Variants in TRPM3 observed in about 807,000 individuals in gnomAD.
TRPM3 encodes the protein transient receptor potential cation channel subfamily M member 3, also known as long transient receptor potential channel 3.
TRPM3 carries 77 observed loss-of-function variants against 181.2 expected under a neutral mutation model. That is an observed-to-expected ratio of 0.42 (90% CI 0.35 to 0.51). TRPM3 has a LOEUF of 0.51. Ranked by LOEUF, TRPM3 falls within the 20% of genes least tolerant of loss-of-function variation. TRPM3 has a pLI of 0.01. For synonymous variants in TRPM3, 745 were observed against 796.4 expected (o/e 0.94, Z 1.09); for missense variants, 1,759 against 2,196.7 (o/e 0.80, Z 3.98).
chr9:70,545,684 A>G (rs1726146726), intron 25 of TRPM3, among the ~76,000 whole-genome samples: 1 of 151,210 alleles, frequency 6.6e-6, no homozygotes. Flanking sequence ...AGTAGCTGGC[A>G]TTACAGGTGC....
chr9:70,842,126 T>C (rs1350647536), intron 5 of TRPM3, among the ~76,000 whole-genome samples: 1 of 152,106 alleles, frequency 6.6e-6, no homozygotes, highest in Non-Finnish European at 1.5e-5. Context: ...TTTAGTTTTT[T>C]TGAAACATAC....
At chr9:70,649,749 C>T (rs1212931137) in intron 9 of TRPM3, among the ~76,000 whole-genome samples, 1 of 152,136 alleles carries the variant, frequency 6.6e-6, no homozygotes, top group Non-Finnish European at 1.5e-5. Flanking sequence ...CTGTGGAAAG[C>T]AGTCCAGAGA....
chr9:71,122,463 C>T (rs377343619), upstream of TRPM3, among the ~76,000 whole-genome samples: 10 of 152,234 alleles, frequency 6.6e-5, no homozygotes, highest in African/African-American at 2.2e-4. Context: ...TCAGTGGGAG[C>T]AGTTGACCTG....
At chr9:71,276,722 T>C (rs953534721) in intron 1 of TRPM3, among the ~76,000 whole-genome samples, 2 of 152,186 alleles carry the variant, frequency 1.3e-5, no homozygotes, top group African/African-American at 2.4e-5. Context: ...TGTAAATGAG[T>C]AAAACTTCTT....
At chr9:70,968,172 G>A (rs575908219) in intron 1 of TRPM3, among the ~76,000 whole-genome samples, 3 of 152,138 alleles carry the variant, frequency 2.0e-5, no homozygotes, top group East Asian at 3.9e-4. Flanking sequence ...TGCATACTAT[G>A]CAACCCTCAT....
chr9:70,582,394 ACT>A (rs1009998446), intron 22 of TRPM3, among the ~76,000 whole-genome samples: 3 of 152,072 alleles, frequency 2.0e-5, no homozygotes, highest in African/African-American at 7.2e-5. Flanking sequence ...TAACAACATC[ACT>A]CTCTATCCTC....
At chr9:71,280,227 G>T (rs943815989) in intron 1 of TRPM3, among the ~76,000 whole-genome samples, 3 of 152,096 alleles carry the variant, frequency 2.0e-5, no homozygotes, top group African/African-American at 7.2e-5. Context: ...ACTCAGGCAC[G>T]TGAATGCCAT....
At chr9:71,103,654 G>A (rs999256859) in intron 1 of TRPM3, among the ~76,000 whole-genome samples, 2 of 152,076 alleles carry the variant, frequency 1.3e-5, no homozygotes, top group African/African-American at 4.8e-5. Context: ...AAATGTGGAT[G>A]GATAGGGAGA....
In TRPM3 at chr9:71,188,335, A is replaced by G. The variant is rs553790262; in HGVS notation, c.183+258318T>C. On this transcript the variant is annotated intron_variant, in intron 1 of 24. Coordinates refer to the TRPM3 transcript ENST00000357533. ...TGTGAGTAGGAAAAGGAAAATTTTT[A>G]TATTAAAAATATCAAATTGGCCTAA... Among the ~76,000 whole-genome samples, 4 of 151,954 alleles carry G rather than the reference A, an allele frequency of 2.6e-5. No homozygotes were observed. In the East Asian group the frequency reaches 5.8e-4, roughly 22 times the overall value.
At chr9:70,682,060 A>C (rs2065581911) in intron 8 of TRPM3, among the ~76,000 whole-genome samples, 1 of 152,142 alleles carries the variant, frequency 6.6e-6, no homozygotes, top group African/African-American at 2.4e-5. Flanking sequence ...TGGACTTCTC[A>C]GCCTCCAGAA....
At chr9:70,938,634 C>G (rs1449063428) in intron 1 of TRPM3, among the ~76,000 whole-genome samples, 1 of 152,126 alleles carries the variant, frequency 6.6e-6, no homozygotes, top group Admixed American at 6.5e-5. Context: ...ACCAAGGTGT[C>G]TCAGTAACTG....
At chr9:70,556,836 TTACTGTCAAGTAATG>T (rs1436465188) in intron 22 of TRPM3, among the ~76,000 whole-genome samples, 1 of 152,224 alleles carries the variant, frequency 6.6e-6, no homozygotes, top group African/African-American at 2.4e-5. Context: ...TAATGGTATA[TTACTGTCAAGTAATG>T]TACTGTCAAG....
intron 22 of TRPM3, among the ~76,000 whole-genome samples, chr9:70,556,698 G>A (rs4416885): frequency 2.0e-4 from 30 of 152,164 alleles, no homozygotes; most frequent in Middle Eastern, 3.4e-3. Context: ...CTCTAGCCTT[G>A]GTGACACAGC....
intron 8 of TRPM3, among the ~76,000 whole-genome samples, chr9:70,756,520 C>T (rs577766052): frequency 1.3e-5 from 2 of 152,184 alleles, no homozygotes; most frequent in South Asian, 2.1e-4. Flanking sequence ...AACTTTCCAC[C>T]CCAAATCAAC....
chr9:71,008,127 C>A (rs571278437), intron 1 of TRPM3, among the ~76,000 whole-genome samples: 165 of 151,918 alleles, frequency 1.1e-3, no homozygotes, highest in African/African-American at 4.0e-3. Flanking sequence ...TCATAAGAGA[C>A]TATTATGAAG....
intron 1 of TRPM3, among the ~76,000 whole-genome samples, chr9:70,905,556 G>A (rs2096452330): frequency 6.6e-6 from 1 of 152,048 alleles, no homozygotes; most frequent in Admixed American, 6.6e-5. Context: ...ATTCTGAAGA[G>A]TAACATACTA....
chr9:70,681,645 A>T (rs897156896), intron 8 of TRPM3, 67 bp from the exon 9 acceptor site: 1 of 1,299,656 alleles, frequency 7.7e-7, no homozygotes, highest in Non-Finnish European at 1.1e-6. Context: ...AATCAATGAG[A>T]CCACATCTGA....
At chr9:71,162,112 A>C (rs910080222) in intron 1 of TRPM3, among the ~76,000 whole-genome samples, 1 of 148,562 alleles carries the variant, frequency 6.7e-6, no homozygotes, top group Non-Finnish European at 1.5e-5. Context: ...AGACAGGAGA[A>C]TCACTTGAAC....
chr9:71,020,277 G>A (rs1377559589), intron 1 of TRPM3, among the ~76,000 whole-genome samples: 2 of 151,664 alleles, frequency 1.3e-5, no homozygotes, highest in Non-Finnish European at 2.9e-5. Context: ...GATTAGCCTG[G>A]GCAAGAAAAT....
Sources: allele counts gnomAD v4.1 joint callset (sites outside exome capture counted in the v4.1 genomes callset), GRCh38; gene constraint gnomAD v4.1.1; transcripts MANE v1.5; gene names NCBI Gene and HGNC (gene_info 2026-07-23, HGNC 2026-07-21).